The following GPC5 variants were observed in gnomAD, a reference collection of about 807,000 sequenced individuals.
GPC5 encodes glypican-5.
In GPC5, 47 loss-of-function variants were observed where a neutral mutation model predicts 53.9. The ratio of observed to expected loss-of-function variants is 0.87; its 90% CI spans 0.69 to 1.11. GPC5 has a LOEUF of 1.11. Among genes scored for constraint, GPC5 ranks in the 50% most tolerant of loss-of-function variants. The pLI, the probability that GPC5 is intolerant of heterozygous loss-of-function variation, is 0.00. For missense variants in GPC5, 748 were observed against 713.1 expected (o/e 1.05, Z -0.56); for synonymous variants, 286 against 263.3 (o/e 1.09, Z -0.84).
intron 4 of GPC5, among the ~76,000 whole-genome samples, chr13:91,729,325 T>G (rs1448359199): frequency 6.6e-6 from 1 of 152,142 alleles, no homozygotes; most frequent in Non-Finnish European, 1.5e-5. Context: ...ATGCTTAAAA[T>G]GTAAAGCTCT....
intron 5 of GPC5, among the ~76,000 whole-genome samples, chr13:91,775,328 C>A (rs1237089243): frequency 6.6e-6 from 1 of 152,058 alleles, no homozygotes. Context: ...CTGGTGTCTC[C>A]ATTTTACCAC....
chr13:92,439,983 G>A (rs1413335997), intron 7 of GPC5, among the ~76,000 whole-genome samples: 2 of 152,118 alleles, frequency 1.3e-5, no homozygotes, highest in Non-Finnish European at 2.9e-5. Context: ...GAAGGTATTG[G>A]CATACAAGCC....
At chr13:92,147,377 A>AT (rs970039639) in intron 7 of GPC5, among the ~76,000 whole-genome samples, 49 of 151,912 alleles carry the variant, frequency 3.2e-4, no homozygotes, top group African/African-American at 9.9e-4. Flanking sequence ...AAAGTAAAGC[A>AT]TTTTTTTGTG....
chr13:92,517,412 G>A (rs571825977), intron 7 of GPC5, among the ~76,000 whole-genome samples: 1 of 152,308 alleles, frequency 6.6e-6, no homozygotes, highest in East Asian at 1.9e-4. Flanking sequence ...TGACTCCCAA[G>A]TAGCCTAACT....
rs1053747147 is a variant in GPC5 at position 92,177,280 on chromosome 13, C to T, written c.1561+32291C>T. The stretch of plus-strand genomic sequence containing the variant: ...ACCTGAGCATCTTCCCCTTGTCTGA[C>T]TTTCATCATATCTGCTGGGCTTCTG... On this transcript the variant is annotated intron_variant, in intron 7 of 7. Transcript: ENST00000377067. Among the ~76,000 whole-genome samples the T allele has an allele frequency of 8.5e-5, 13 of 152,288 alleles. No homozygotes were observed. The South Asian group carries it at 2.1e-3, about 24-fold the overall frequency.
At position 91,865,613 on chromosome 13, in the gene GPC5, A is replaced by T. The variant is rs74573478; in HGVS notation, c.1281-42324A>T. Among the ~76,000 whole-genome samples the T allele has an allele frequency of 5.3e-3, 811 of 152,240 alleles. 24 individuals carry two copies. In the East Asian group the frequency reaches 0.08, roughly 15 times the overall value. On this transcript the variant is annotated intron_variant, in intron 5 of 7. Transcript: ENST00000377067. ...ACGTCACATTTTTTTTAAACTTCTG[A>T]ATTTTCTGGCACTTCAAATATCCCA...
intron 7 of GPC5, among the ~76,000 whole-genome samples, chr13:92,349,002 A>G (rs747729748): frequency 1.3e-5 from 2 of 152,176 alleles, no homozygotes; most frequent in Non-Finnish European, 2.9e-5. Flanking sequence ...CTTACTCATC[A>G]AGCAGCCAGA....
chr13:92,246,393 G>T (rs755741237), intron 7 of GPC5, among the ~76,000 whole-genome samples: 1 of 152,064 alleles, frequency 6.6e-6, no homozygotes, highest in Non-Finnish European at 1.5e-5. Context: ...GTGAGAAATT[G>T]TCAAAATATT....
intron 6 of GPC5, among the ~76,000 whole-genome samples, chr13:92,071,437 T>A (rs2041210323): frequency 6.6e-6 from 1 of 152,176 alleles, no homozygotes; most frequent in Non-Finnish European, 1.5e-5. Flanking sequence ...AAAGATCTCT[T>A]GTTCTATAAG....
chr13:92,062,718 T>G (rs2041134965), intron 6 of GPC5, among the ~76,000 whole-genome samples: 1 of 152,016 alleles, frequency 6.6e-6, no homozygotes, highest in South Asian at 2.1e-4. Context: ...ATTAATGTTT[T>G]TATAATCAGG....
intron 7 of GPC5, among the ~76,000 whole-genome samples, chr13:92,248,258 C>T (rs1444420654): frequency 1.3e-5 from 2 of 151,844 alleles, no homozygotes; most frequent in Non-Finnish European, 2.9e-5. Context: ...GGAGGGCTGG[C>T]TACAGGCATT....
intron 7 of GPC5, among the ~76,000 whole-genome samples, chr13:92,616,848 G>A (rs1884708302): frequency 6.6e-6 from 1 of 152,058 alleles, no homozygotes; most frequent in Admixed American, 6.6e-5. Context: ...AATGGGCAAA[G>A]ATAGACCCAA....
At chr13:92,014,916 C>T (rs2040693928) in intron 6 of GPC5, among the ~76,000 whole-genome samples, 1 of 151,936 alleles carries the variant, frequency 6.6e-6, no homozygotes, top group Non-Finnish European at 1.5e-5. Context: ...TGCCTTGATT[C>T]TTAGAAATGG....
intron 7 of GPC5, among the ~76,000 whole-genome samples, chr13:92,337,111 G>A (rs1926644): frequency 0.4 from 61,051 of 151,486 alleles, 12,433 homozygotes; most frequent in Middle Eastern, 0.51. Flanking sequence ...GACACAGTCA[G>A]ACGATACCAC....
chr13:92,841,634 T>C (rs1310837924), intron 7 of GPC5, among the ~76,000 whole-genome samples: 1 of 152,170 alleles, frequency 6.6e-6, no homozygotes. Context: ...TACTTCCTCC[T>C]TATTATAAAA....
chr13:91,526,992 A>G (rs1886117377), intron 2 of GPC5, among the ~76,000 whole-genome samples: 1 of 152,158 alleles, frequency 6.6e-6, no homozygotes, highest in African/African-American at 2.4e-5. Context: ...CACCACCCTC[A>G]ACATGTGGGA....
chr13:92,120,627 G>C (rs1476542178), intron 6 of GPC5, among the ~76,000 whole-genome samples: 1 of 152,114 alleles, frequency 6.6e-6, no homozygotes, highest in Non-Finnish European at 1.5e-5. Flanking sequence ...GTGTTTTAAT[G>C]TTGATCTGTT....
intron 2 of GPC5, among the ~76,000 whole-genome samples, chr13:91,459,482 C>T (rs1444217783): frequency 7.9e-6 from 1 of 125,882 alleles, no homozygotes; most frequent in Non-Finnish European, 1.7e-5. Flanking sequence ...AGAATTGAAG[C>T]CCAGGGCATC....
chr13:92,818,278 G>C (rs1289067802), intron 7 of GPC5, among the ~76,000 whole-genome samples: 1 of 151,856 alleles, frequency 6.6e-6, no homozygotes, highest in African/African-American at 2.4e-5. Flanking sequence ...CCAAAGTGCT[G>C]GCATTACAGG....
Sources: allele counts gnomAD v4.1 joint callset (sites outside exome capture counted in the v4.1 genomes callset), GRCh38; gene constraint gnomAD v4.1.1; transcripts MANE v1.5; gene names NCBI Gene and HGNC (gene_info 2026-07-23, HGNC 2026-07-21).